Variants in SLC30A7 observed in about 807,000 individuals in gnomAD.
SLC30A7 encodes zinc transporter 7.
SLC30A7 carries 35 observed loss-of-function variants against 46.0 expected under a neutral mutation model. The ratio of observed to expected loss-of-function variants is 0.76; its 90% confidence interval spans 0.58 to 1.01. The LOEUF (loss-of-function observed/expected upper bound fraction) is 1.01, where lower values mean the gene tolerates loss of function less well. Ranked by LOEUF, SLC30A7 falls within the 50% of genes least tolerant of loss-of-function variation. SLC30A7 has a pLI of 0.00. For missense variants in SLC30A7, 464 were observed against 451.1 expected, an observed-to-expected ratio of 1.03 and a Z score of -0.26; for synonymous variants, 147 against 157.8, an observed-to-expected ratio of 0.93 and a Z score of 0.51.
At chr1:100,944,408 G>A (rs1654511945) in intron 8 of SLC30A7, among the ~76,000 whole-genome samples, 1 of 152,024 alleles carries the variant, frequency 6.6e-6, no homozygotes. Context: ...AGAAAAGTAA[G>A]TCAAAAACGT....
Position 100,981,401 on chromosome 1 carries a change from C to T in SLC30A7, c.*6544C>T, listed in dbSNP as rs1310365948. 1.3e-5 allele frequency: 2 copies of T among 152,146 alleles called. No individual in the cohort carries two copies. Among genetic ancestry groups the T allele is most frequent in the Non-Finnish European group, 2.9e-5 (2 of 68,004 alleles). 9.4% of individuals were successfully genotyped at this position (152,146 alleles called of 1,614,324 possible). ...AAATCCCTTCTTAGTATATTTTAAG[C>T]ACCCTACAACACTTTACCTCCCTGC... On this transcript the variant is annotated 3_prime_UTR_variant, in exon 11 of 11. Coordinates refer to ENST00000357650, the MANE Select transcript of SLC30A7 (RefSeq NM_133496.5).
chr1:100,941,490 T>C (rs899557337), intron 8 of SLC30A7: 37 of 495,210 alleles, frequency 7.5e-5, no homozygotes, highest in African/African-American at 6.7e-4. Flanking sequence ...ATGACAGTCT[T>C]ATCCACAGTC....
intron 8 of SLC30A7, among the ~76,000 whole-genome samples, chr1:100,938,695 A>G (rs771508968): frequency 2.0e-5 from 3 of 152,182 alleles, no homozygotes; most frequent in Non-Finnish European, 4.4e-5. Flanking sequence ...TGTTGGCAGA[A>G]TTTGTTTCAT....
intron 8 of SLC30A7, among the ~76,000 whole-genome samples, chr1:100,925,116 T>C (rs1055414135): frequency 6.6e-6 from 1 of 152,230 alleles, no homozygotes; most frequent in Non-Finnish European, 1.5e-5. Flanking sequence ...GGAAGACTTC[T>C]GAAGAAGAGG....
At chr1:100,938,091 C>T (rs1029496613) in intron 8 of SLC30A7, among the ~76,000 whole-genome samples, 5 of 152,110 alleles carry the variant, frequency 3.3e-5, no homozygotes, top group Non-Finnish European at 7.4e-5. Context: ...TCCCAGTGGT[C>T]TATATGTCTG....
chr1:100,921,809 T>G lies in SLC30A7; in HGVS notation c.810T>G (p.Cys270Trp). Residue 270 changes from cysteine (C) to tryptophan (W), a missense_variant, in exon 8 of 11, where the codon TGT (cysteine) becomes TGG (tryptophan). Cys to Trp is a radical substitution (Grantham distance 215). Coordinates refer to ENST00000357650, the MANE Select transcript of SLC30A7 (RefSeq NM_133496.5). ...GTCTGATGATAGCAGATCCTATCTG[T>G]TCAATTCTTATAGCCATTCTTATAG... is the stretch of plus-strand genomic sequence containing the variant. ...NFGLMIADPI[C>W]SILIAILIVV... The G allele has an allele frequency of 6.2e-7, 1 of 1,613,266 alleles. No homozygotes were observed. The highest frequency in any genetic ancestry group is 8.5e-7 in the Non-Finnish European group (1 of 1,179,720).
rs192418561 is a variant in SLC30A7, at chr1:100,900,774, A to G, written c.182+4103A>G. Among the ~76,000 whole-genome samples the G allele has an allele frequency of 3.9e-5, 6 of 152,336 alleles. No homozygotes were observed. The East Asian group carries it at 1.2e-3, about 29-fold the overall frequency. ...ACAGTGTTTTTCCCTGACTTTCCAC[A>G]TCATGGAAAGTACCTGGTAAGGGAT... On this transcript the variant is annotated intron_variant, in intron 2 of 10. Transcript: ENST00000357650.
At position 100,913,711 on chromosome 1, in the gene SLC30A7, A is replaced by C; in HGVS notation, c.560A>C (p.His187Pro). ...SLFNGALDQAHGHVDHCHSHE... is the reference protein window; with the variant it reads ...SLFNGALDQAPGHVDHCHSHE... Reference sequence around the variant, plus strand: ...TTTAATGGTGCTCTAGATCAGGCACATGGCCATGTCGATCATTGCCATAGC... The same window carrying C: ...TTTAATGGTGCTCTAGATCAGGCACCTGGCCATGTCGATCATTGCCATAGC... The change falls in exon 6 of 11, where the codon CAT becomes CCT. Residue 187 changes from histidine (H) to proline (P), a missense_variant. Coordinates refer to ENST00000357650, the MANE Select transcript of SLC30A7 (RefSeq NM_133496.5). The C allele has an allele frequency of 1.2e-6, 2 of 1,613,976 alleles. No individual in the cohort carries two copies. The highest frequency in any genetic ancestry group is 1.7e-6 in the Non-Finnish European group (2 of 1,179,856).
chr1:100,915,193 T>TTTTCTCTTTC (rs1652424444), intron 6 of SLC30A7, among the ~76,000 whole-genome samples: 1 of 90,788 alleles, frequency 1.1e-5, no homozygotes, highest in Non-Finnish European at 2.2e-5. Context: ...CTTTTCTTTC[T>TTTTCTCTTTC]TTTCTTTCTT....
chr1:100,935,719 G>A (rs114679410), intron 8 of SLC30A7, among the ~76,000 whole-genome samples: 3,454 of 152,222 alleles, frequency 0.023, 120 homozygotes, highest in African/African-American at 0.075. Flanking sequence ...TTTAAGGTCT[G>A]TATATTGTGT....
At chr1:100,990,632 C>A in the SLC30A7 span, 3 of 1,608,152 alleles carry the variant, frequency 1.9e-6, no homozygotes, top group Admixed American at 3.4e-5. Flanking sequence ...TCGGTAACTG[C>A]TATTAAAAAA....
chr1:100,984,193 AGTTATG>A (rs1657141066), downstream of SLC30A7, among the ~76,000 whole-genome samples: 1 of 152,208 alleles, frequency 6.6e-6, no homozygotes, highest in Non-Finnish European at 1.5e-5. Flanking sequence ...TGTTTGGTAG[AGTTATG>A]GTTTTAAAAG....
chr1:100,948,367 G>C (rs1175551206), intron 8 of SLC30A7, among the ~76,000 whole-genome samples: 4 of 152,086 alleles, frequency 2.6e-5, no homozygotes, highest in Admixed American at 2.0e-4. Flanking sequence ...TTAAATATTG[G>C]CCCCCACTCT....
At chr1:100,959,497 A>G (rs997336047) in intron 8 of SLC30A7, among the ~76,000 whole-genome samples, 3 of 152,170 alleles carry the variant, frequency 2.0e-5, no homozygotes, top group African/African-American at 7.2e-5. Context: ...TTGGGGGAGA[A>G]TCTACTTCTG....
intron 8 of SLC30A7, among the ~76,000 whole-genome samples, chr1:100,937,702 A>T (rs1654058911): frequency 6.6e-6 from 1 of 152,014 alleles, no homozygotes; most frequent in African/African-American, 2.4e-5. Flanking sequence ...TATATTCTGG[A>T]TATTAACTCT....
At chr1:100,896,741 C>A (rs1650982788) in intron 2 of SLC30A7, 70 bp downstream of exon 2, 2 of 1,278,012 alleles carry the variant, frequency 1.6e-6, no homozygotes, top group African/African-American at 1.5e-5. Flanking sequence ...TTGCTTAATG[C>A]CACGTAGCTC....
chr1:100,989,610 A>C, the SLC30A7 span: 1 of 152,230 alleles, frequency 6.6e-6, no homozygotes, highest in African/African-American at 2.4e-5. Flanking sequence ...AAAAGAAGAA[A>C]ATTATAAACA....
chr1:100,918,185 A>T (rs1179043274), intron 7 of SLC30A7, 58 bp downstream of exon 7: 1 of 1,420,080 alleles, frequency 7.0e-7, no homozygotes, highest in African/African-American at 1.4e-5. Flanking sequence ...ATAGTTTTGA[A>T]GTTTTAGTTG....
chr1:100,928,837 T>A (rs992581031), intron 8 of SLC30A7, among the ~76,000 whole-genome samples: 4 of 152,180 alleles, frequency 2.6e-5, no homozygotes, highest in African/African-American at 9.7e-5. Flanking sequence ...ATTATTGAAC[T>A]TCTACTATAT....
Sources: allele counts gnomAD v4.1 joint callset (sites outside exome capture counted in the v4.1 genomes callset), GRCh38; gene constraint gnomAD v4.1.1; transcripts MANE v1.5; gene names NCBI Gene and HGNC (gene_info 2026-07-23, HGNC 2026-07-21).